The following MLLT10 variants were observed in gnomAD, a reference collection of about 807,000 sequenced individuals.
The protein encoded by MLLT10 is MLLT10 histone lysine methyltransferase DOT1L cofactor.
In MLLT10, 30 loss-of-function variants were observed where a neutral mutation model predicts 129.1. That is an observed-to-expected ratio of 0.23 (90% CI 0.17 to 0.32). MLLT10 has a LOEUF of 0.32. MLLT10 is among the 10% of genes least tolerant of loss of function. The probability of loss-of-function intolerance (pLI) is 1.00; values close to 1 mark genes in which losing one functional copy is unlikely to be tolerated. For missense variants in MLLT10, 1,119 were observed against 1,268.3 expected (o/e 0.88, Z 1.79); for synonymous variants, 490 against 446.4 (o/e 1.10, Z -1.23).
intron 3 of MLLT10, among the ~76,000 whole-genome samples, chr10:21,565,074 G>A (rs1367275439): frequency 6.6e-6 from 1 of 151,684 alleles, no homozygotes; most frequent in Non-Finnish European, 1.5e-5. Flanking sequence ...TACACATTTA[G>A]GAATGTTATG....
chr10:21,624,829 G>A (rs1391191565), intron 8 of MLLT10: 10 of 1,071,616 alleles, frequency 9.3e-6, no homozygotes, highest in African/African-American at 6.3e-5. Context: ...CCACGGCCAC[G>A]GCCTCTCTGC....
At chr10:21,621,131 C>T (rs1047937503) in intron 8 of MLLT10, among the ~76,000 whole-genome samples, 1 of 151,440 alleles carries the variant, frequency 6.6e-6, no homozygotes, top group African/African-American at 2.4e-5. Flanking sequence ...CTGCAGGCGC[C>T]CGCCACCACG....
At chr10:21,725,273 T>G (rs1338006878) in intron 14 of MLLT10, among the ~76,000 whole-genome samples, 1 of 152,216 alleles carries the variant, frequency 6.6e-6, no homozygotes, top group Non-Finnish European at 1.5e-5. Flanking sequence ...CCTGTTGTCT[T>G]CCTGCTTTTA....
intron 13 of MLLT10, among the ~76,000 whole-genome samples, chr10:21,689,546 A>AATATATATATATATATATATATGT (rs370885697): frequency 9.2e-6 from 1 of 108,334 alleles, no homozygotes; most frequent in Admixed American, 1.1e-4. Flanking sequence ...TGTGTAAAGT[A>AATATATATATATATATATATATGT]ATATATATAT....
chr10:21,726,690 T>C (rs1345503818), intron 15 of MLLT10, among the ~76,000 whole-genome samples: 1 of 145,662 alleles, frequency 6.9e-6, no homozygotes, highest in Admixed American at 6.9e-5. Flanking sequence ...CCTTTTTTTT[T>C]TTTTTTTTTT....
chr10:21,593,732 G>A (rs2042729367), intron 4 of MLLT10, among the ~76,000 whole-genome samples: 1 of 151,724 alleles, frequency 6.6e-6, no homozygotes, highest in Admixed American at 6.6e-5. Context: ...GTCGAGACCA[G>A]CCTGGTCAAC....
At chr10:21,603,497 G>C (rs114847660) in intron 5 of MLLT10, among the ~76,000 whole-genome samples, 1 of 151,868 alleles carries the variant, frequency 6.6e-6, no homozygotes, top group South Asian at 2.1e-4. Context: ...TATAACATTC[G>C]TTTATTAAGA....
At chr10:21,725,918 T>G (rs1392218740) in intron 14 of MLLT10, among the ~76,000 whole-genome samples, 1 of 151,536 alleles carries the variant, frequency 6.6e-6, no homozygotes, top group Admixed American at 6.6e-5. Flanking sequence ...GCACGGCTAA[T>G]TTTTTGTATT....
At chr10:21,534,551 G>C in intron 1 of MLLT10, 31 bp downstream of exon 1, 1 of 1,361,538 alleles carries the variant, frequency 7.3e-7, no homozygotes, top group Non-Finnish European at 9.8e-7. Flanking sequence ...CGGGCCGGGC[G>C]GGGGGCGCCG....
At chr10:21,559,941 T>C (rs2038588635) in intron 3 of MLLT10, among the ~76,000 whole-genome samples, 1 of 149,090 alleles carries the variant, frequency 6.7e-6, no homozygotes, top group Non-Finnish European at 1.5e-5. Context: ...TGTTTGAATC[T>C]TTTTTTTTTG....
At chr10:21,701,601 T>G (rs866372331) in intron 13 of MLLT10, among the ~76,000 whole-genome samples, 4 of 152,054 alleles carry the variant, frequency 2.6e-5, no homozygotes, top group Admixed American at 6.6e-5. Context: ...ATATATATAT[T>G]TTGAAGATGG....
rs140119778 is a variant in MLLT10, at chr10:21,651,664, C to G, written c.700-9C>G. The stretch of plus-strand genomic sequence containing the variant: ...ATTAAAATTGGATTTTACTTATATT[C>G]GTTTTTAGAAATATAAAGAGAAGGA... On this transcript the variant is annotated splice_polypyrimidine_tract_variant and intron_variant, in intron 8 of 22. Transcript: ENST00000307729. 1 of 1,598,962 alleles carries G rather than the reference C, an allele frequency of 6.3e-7. No homozygotes were observed.
intron 16 of MLLT10, 151 bp from the exon 17 acceptor site, chr10:21,730,749 G>A (rs1416575722): frequency 1.5e-6 from 1 of 675,130 alleles, no homozygotes; most frequent in East Asian, 2.8e-5. Context: ...GGTAGATTAT[G>A]GTTTTCTAAA....
At chr10:21,559,718 C>T (rs192353083) in intron 3 of MLLT10, among the ~76,000 whole-genome samples, 19 of 152,210 alleles carry the variant, frequency 1.2e-4, no homozygotes, top group Non-Finnish European at 2.6e-4. Flanking sequence ...TTCTTTTGTA[C>T]GTAGCTTATT....
chr10:21,731,953 A>G (rs1315897818), intron 17 of MLLT10, among the ~76,000 whole-genome samples: 6 of 152,176 alleles, frequency 3.9e-5, no homozygotes, highest in Non-Finnish European at 8.8e-5. Context: ...AAAAAATGCT[A>G]ATTAATTGTG....
Position 21,713,902 on chromosome 10 carries a change from C to T in MLLT10, c.1830C>T (p.Leu610=). Residue 610 remains leucine (L), a synonymous_variant, in exon 14 of 23, where the codon CTC becomes CTT. Coordinates refer to ENST00000307729, the MANE Select transcript of MLLT10 (RefSeq NM_001195626.3). ...SSGHLQQVGA[L]SPSAVSSAAP... ...GGCATTTGCAACAAGTAGGAGCGCT[C>T]TCTCCCTCAGCTGTGTCATCTGCAG... The T allele has an allele frequency of 6.2e-7, 1 of 1,613,994 alleles. No individual in the cohort carries two copies. Among genetic ancestry groups the T allele is most frequent in the Non-Finnish European group, 8.5e-7 (1 of 1,179,958 alleles).
chr10:21,567,143 T>C (rs1053546051), intron 3 of MLLT10, among the ~76,000 whole-genome samples: 1 of 152,174 alleles, frequency 6.6e-6, no homozygotes, highest in African/African-American at 2.4e-5. Context: ...CAAATAACTT[T>C]TGATTGAAAC....
chr10:21,638,094 G>T (rs781732088), intron 8 of MLLT10, among the ~76,000 whole-genome samples: 2 of 150,484 alleles, frequency 1.3e-5, no homozygotes, highest in Admixed American at 6.6e-5. Flanking sequence ...GCATTTCTAC[G>T]TGCTGCTCTT....
intron 13 of MLLT10, among the ~76,000 whole-genome samples, chr10:21,689,632 C>T (rs1472150253): frequency 1.4e-5 from 2 of 142,126 alleles, no homozygotes; most frequent in African/African-American, 5.2e-5. Context: ...CACACACACA[C>T]ACACACATTT....
Sources: gnomAD v4.1 joint callset for allele counts (sites outside exome capture counted in the v4.1 genomes callset) on GRCh38, gnomAD v4.1.1 for gene constraint, MANE v1.5 for transcripts, NCBI Gene and HGNC (gene_info 2026-07-23, HGNC 2026-07-21) for gene names.